C8B: variants seen among roughly 807,000 people sequenced by gnomAD.
C8B encodes complement C8 beta chain, also known as complement component C8 beta chain.
In C8B, 67 loss-of-function variants were observed where a neutral mutation model predicts 64.6. That is an observed-to-expected ratio of 1.04 (90% CI 0.85 to 1.27). The LOEUF (loss-of-function observed/expected upper bound fraction) is 1.27, where lower values mean the gene tolerates loss of function less well. C8B is among the 50% of genes most tolerant of loss of function. C8B has a pLI of 0.00. For missense variants in C8B, 790 were observed against 725.2 expected, an observed-to-expected ratio of 1.09 and a Z score of -1.03; for synonymous variants, 284 against 257.7, an observed-to-expected ratio of 1.10 and a Z score of -0.98.
Position 56,931,880 on chromosome 1 carries a change from T to C in C8B, c.1553-2A>G, listed in dbSNP as rs1557725222. 1 of 1,610,912 alleles carries C rather than the reference T, an allele frequency of 6.2e-7. No individual in the cohort carries two copies. The highest frequency in any genetic ancestry group is 8.5e-7 in the Non-Finnish European group (1 of 1,177,980). ...GACAGATGCAGTCACAGCGTGATCC[T>C]GAGAAGACAAGGCAGAGAAAGTGTG... On this transcript the variant is annotated splice_acceptor_variant, in intron 10 of 11. Coordinates refer to ENST00000371237, the MANE Select transcript of C8B (RefSeq NM_000066.4). LOFTEE classifies it high-confidence loss of function.
At chr1:56,940,698 T>G (rs556467620) in intron 9 of C8B, 151 bp downstream of exon 9, 1 of 820,872 alleles carries the variant, frequency 1.2e-6, no homozygotes, top group East Asian at 2.7e-5. Flanking sequence ...ATAATTTATT[T>G]ATTTCAAATA....
chr1:56,954,457 A>G (rs994414046), intron 4 of C8B, among the ~76,000 whole-genome samples: 1 of 152,192 alleles, frequency 6.6e-6, no homozygotes, highest in African/African-American at 2.4e-5. Context: ...GCTCTGTCCC[A>G]GTGTTCCAAA....
chr1:56,962,143 C>T (rs191766200), intron 1 of C8B, among the ~76,000 whole-genome samples: 3 of 152,272 alleles, frequency 2.0e-5, no homozygotes, highest in African/African-American at 7.2e-5. Flanking sequence ...TTAAGAGTCA[C>T]AATTATTTTC....
At chr1:56,960,591 G>A (rs535151190) in intron 1 of C8B, among the ~76,000 whole-genome samples, 5 of 152,338 alleles carry the variant, frequency 3.3e-5, no homozygotes, top group African/African-American at 1.2e-4. Flanking sequence ...AGGAGAGCCT[G>A]GTAGTAGGGA....
At position 56,933,531 on chromosome 1, in the gene C8B, A is replaced by C. The variant is rs1005527769; in HGVS notation, c.1399-43T>G. On this transcript the variant is annotated intron_variant, in intron 9 of 11. Transcript: ENST00000371237. ...CATTTATTTCAAGAGAAAAACATTT[A>C]TCAAGTAGAAGTGTAAAACAAAACT... 1.9e-6 allele frequency: 3 copies of C among 1,568,580 alleles called. No individual in the cohort carries two copies. In the African/African-American group the frequency reaches 4.1e-5, roughly 21 times the overall value.
intron 11 of C8B, 151 bp from the exon 12 acceptor site, chr1:56,929,709 G>C: frequency 5.3e-6 from 4 of 752,666 alleles, no homozygotes; most frequent in Non-Finnish European, 6.9e-6. Flanking sequence ...TACTTGTCAT[G>C]CTCTTGCCTA....
At chr1:56,951,889 T>C (rs1325896411) in intron 5 of C8B, among the ~76,000 whole-genome samples, 159 bp downstream of exon 5, 1 of 152,214 alleles carries the variant, frequency 6.6e-6, no homozygotes, top group Non-Finnish European at 1.5e-5. Flanking sequence ...GCATGTCATC[T>C]TCACCACAAT....
At chr1:56,962,063 T>C (rs569370556) in intron 1 of C8B, among the ~76,000 whole-genome samples, 8 of 152,294 alleles carry the variant, frequency 5.3e-5, no homozygotes, top group African/African-American at 1.9e-4. Context: ...TTACATTATG[T>C]TTTTAGCAAC....
chr1:56,931,170 T>A (rs1256139695), intron 11 of C8B, among the ~76,000 whole-genome samples: 2 of 152,192 alleles, frequency 1.3e-5, no homozygotes, highest in Non-Finnish European at 2.9e-5. Context: ...AGTGAAAGAT[T>A]GAGAGCTCTT....
intron 6 of C8B, among the ~76,000 whole-genome samples, chr1:56,947,658 G>A (rs1644960724): frequency 6.6e-6 from 1 of 152,150 alleles, no homozygotes; most frequent in Non-Finnish European, 1.5e-5. Context: ...ATGGCCGGGA[G>A]TGGTGGCTCA....
chr1:56,964,681 G>A (rs997567328), intron 1 of C8B, among the ~76,000 whole-genome samples: 2 of 152,164 alleles, frequency 1.3e-5, no homozygotes, highest in Non-Finnish European at 1.5e-5. Context: ...AGCATCTTTT[G>A]TAACGGTACA....
chr1:56,965,887 G>A lies in C8B; in HGVS notation c.62C>T (p.Ala21Val), dbSNP rs745891924. Reference sequence around the variant, plus strand: ...GCCAGGCAAACTGAGACAGCCCAGGGCAGCACAGAGAAGAAATAGCTCCAC... The same window carrying A: ...GCCAGGCAAACTGAGACAGCCCAGGACAGCACAGAGAAGAAATAGCTCCAC... The part of the protein sequence containing the change: ...APVELFLLCA[A>V]LGCLSLPGSR... The change falls in exon 1 of 12, where the codon GCC becomes GTC. Residue 21 changes from alanine to valine, a missense_variant. Physicochemically the swap from Ala to Val is moderately conservative, Grantham distance 64. Coordinates refer to ENST00000371237, the MANE Select transcript of C8B (RefSeq NM_000066.4). The A allele has an allele frequency of 9.9e-6, 16 of 1,614,020 alleles. No homozygotes were observed. The South Asian group carries it at 1.1e-4, about 11-fold the overall frequency.
At chr1:56,943,548 T>C in intron 8 of C8B, 148 bp downstream of exon 8, 2 of 911,612 alleles carry the variant, frequency 2.2e-6, no homozygotes, top group Non-Finnish European at 3.6e-6. Flanking sequence ...ATATGTTAGA[T>C]GGTAAAACTA....
intron 4 of C8B, among the ~76,000 whole-genome samples, chr1:56,952,642 A>T (rs1645039656): frequency 6.6e-6 from 1 of 152,034 alleles, no homozygotes; most frequent in Admixed American, 6.6e-5. Flanking sequence ...GCCTTGCGAG[A>T]GTTGGGTAGC....
chr1:56,929,982 T>C (rs917702335), intron 11 of C8B, among the ~76,000 whole-genome samples: 2 of 152,182 alleles, frequency 1.3e-5, no homozygotes, highest in African/African-American at 2.4e-5. Flanking sequence ...ATTCAAATGA[T>C]ATTGGCCTTC....
At chr1:56,961,663 C>T (rs190068446) in intron 1 of C8B, among the ~76,000 whole-genome samples, 8 of 152,262 alleles carry the variant, frequency 5.3e-5, no homozygotes, top group Admixed American at 3.9e-4. Flanking sequence ...AAGAGCATCA[C>T]GTAGTTTTCA....
chr1:56,931,367 T>C (rs1377943144), intron 11 of C8B, among the ~76,000 whole-genome samples: 2 of 151,978 alleles, frequency 1.3e-5, no homozygotes, highest in African/African-American at 4.8e-5. Context: ...CAACCCAAAA[T>C]ACAATGCACA....
chr1:56,934,160 G>T (rs1265642590), intron 9 of C8B, among the ~76,000 whole-genome samples: 3 of 65,666 alleles, frequency 4.6e-5, no homozygotes, highest in East Asian at 5.2e-4. Context: ...TTATGTGCAG[G>T]GTCCTTTTTT....
chr1:56,949,438 T>C (rs1246233236), intron 6 of C8B, 117 bp downstream of exon 6: 2 of 993,938 alleles, frequency 2.0e-6, no homozygotes, highest in Non-Finnish European at 3.1e-6. Flanking sequence ...CCTCCAGAAC[T>C]GTGAGCCAAG....
Sources: allele counts gnomAD v4.1 joint callset (sites outside exome capture counted in the v4.1 genomes callset), GRCh38; gene constraint gnomAD v4.1.1; transcripts MANE v1.5; gene names NCBI Gene and HGNC (gene_info 2026-07-23, HGNC 2026-07-21).